REV1: variants seen among roughly 807,000 people sequenced by gnomAD.
The protein encoded by REV1 is REV1 DNA directed polymerase, also known as translesion synthesis protein REV1.
In REV1, 42 loss-of-function variants were observed where a neutral mutation model predicts 137.4. The observed-to-expected ratio is 0.31, with a 90% CI of 0.24 to 0.40. The LOEUF is 0.40. Ranked by LOEUF, REV1 falls within the 10% of genes least tolerant of loss-of-function variation. The pLI is 1.00. For missense variants in REV1, 1,282 were observed against 1,490.1 expected (o/e 0.86, Z 2.30); for synonymous variants, 524 against 519.2 (o/e 1.01, Z -0.12).
chr2:99,443,080 T>C (rs970233963), intron 4 of REV1, among the ~76,000 whole-genome samples: 2 of 152,232 alleles, frequency 1.3e-5, no homozygotes, highest in African/African-American at 4.8e-5. Context: ...CTTCCTTTTG[T>C]ACTTCAGAAC....
At chr2:99,422,170 G>A (rs1275440264) in intron 10 of REV1, among the ~76,000 whole-genome samples, 1 of 152,138 alleles carries the variant, frequency 6.6e-6, no homozygotes, top group Non-Finnish European at 1.5e-5. Flanking sequence ...GAAGGAAAAA[G>A]TGGCCAGTCA....
rs368073401 is a variant in REV1, at chr2:99,402,782, T to C, written c.3403A>G (p.Thr1135Ala). 4.3e-5 allele frequency: 69 copies of C among 1,614,086 alleles called. No individual in the cohort carries two copies. The highest frequency in any genetic ancestry group is 4.2e-5 in the Non-Finnish European group (50 of 1,180,044). ...EKPLEELSAS[T>A]SGVPGLSSLQ... Reference sequence around the variant, plus strand: ...CTAGAAAGGCCTGGCACACCTGAAGTAGAAGCAGAGAGTTCTTCCTGTTAA... The same window carrying C: ...CTAGAAAGGCCTGGCACACCTGAAGCAGAAGCAGAGAGTTCTTCCTGTTAA... The change falls in exon 21 of 23, where the codon ACT becomes GCT. Residue 1135 changes from threonine to alanine, a missense_variant. Physicochemically the swap from Thr to Ala is moderately conservative, Grantham distance 58. Around this residue, in one of 7 missense-constraint regions of REV1, gnomAD observed 170 missense variants for 156.8 expected, o/e 1.08. Coordinates refer to ENST00000258428, the MANE Select transcript of REV1 (RefSeq NM_016316.4).
chr2:99,453,912 AAAAATCAAAAT>A (rs1402971814), intron 3 of REV1, among the ~76,000 whole-genome samples: 3 of 140,484 alleles, frequency 2.1e-5, no homozygotes, highest in Non-Finnish European at 3.2e-5. Context: ...AAAAAAAAAA[AAAAATCAAAAT>A]AAAACAAAAC....
rs182327989 is a variant in REV1 at position 99,411,014 on chromosome 2, C to T, written c.2173-147G>A. ...TATTAAAAAGAAACGTGGCCAGGCGCGGTGGCTCACACCTGTAATCCCAGC... is the reference window on the plus strand; with the variant it reads ...TATTAAAAAGAAACGTGGCCAGGCGTGGTGGCTCACACCTGTAATCCCAGC... On this transcript the variant is annotated intron_variant, in intron 13 of 22. Coordinates refer to ENST00000258428, the MANE Select transcript of REV1 (RefSeq NM_016316.4). 5.4e-4 allele frequency: 353 copies of T among 652,456 alleles called. 3 individuals are homozygous for T. Among genetic ancestry groups the T allele is most frequent in the Admixed American group, 3.6e-3 (97 of 27,112 alleles). The allele number at this position is 652,456 out of a possible 1,614,324, so 40.4% of individuals were successfully genotyped here.
At chr2:99,461,176 T>C (rs1684148401) in intron 3 of REV1, among the ~76,000 whole-genome samples, 2 of 152,250 alleles carry the variant, frequency 1.3e-5, no homozygotes, top group Admixed American at 6.5e-5. Context: ...ATGACATTCT[T>C]GGACTAAATT....
At chr2:99,468,973 A>G (rs921928351) in intron 1 of REV1, among the ~76,000 whole-genome samples, 2 of 152,216 alleles carry the variant, frequency 1.3e-5, no homozygotes, top group Non-Finnish European at 2.9e-5. Context: ...ACAGTAGACT[A>G]GATACGGACT....
intron 18 of REV1, 131 bp downstream of exon 18, chr2:99,404,312 TC>T (rs869296847): frequency 8.0e-6 from 4 of 499,868 alleles, no homozygotes; most frequent in Non-Finnish European, 1.4e-5. Flanking sequence ...CACTCTCCCC[TC>T]CCCTCCCCTC....
Position 99,412,272 on chromosome 2 carries a change from A to C in REV1, c.2172+459T>G, listed in dbSNP as rs890362508. Among the ~76,000 whole-genome samples, 15 of 150,904 alleles carry C rather than the reference A, an allele frequency of 9.9e-5. No homozygotes were observed. In the East Asian group the frequency reaches 2.3e-3, roughly 23 times the overall value. On this transcript the variant is annotated intron_variant, in intron 13 of 22. Coordinates refer to ENST00000258428, the MANE Select transcript of REV1 (RefSeq NM_016316.4). ...GACTCCATCTCAAAAAAAAAAAAAA[A>C]AAAAAAAAAACATATCCAAATCCAT...
At chr2:99,406,223 A>G in intron 16 of REV1, 102 bp downstream of exon 16, 1 of 1,431,006 alleles carries the variant, frequency 7.0e-7, no homozygotes, top group South Asian at 1.5e-5. Flanking sequence ...AAGAATATAA[A>G]TTTTTAAAAT....
chr2:99,467,384 C>T (rs559849126), intron 1 of REV1, among the ~76,000 whole-genome samples: 2 of 152,158 alleles, frequency 1.3e-5, no homozygotes, highest in Non-Finnish European at 2.9e-5. Context: ...ATTTTAGCTT[C>T]GTCATTTCCA....
intron 18 of REV1, 121 bp from the exon 19 acceptor site, chr2:99,403,936 A>G (rs1200581300): frequency 8.4e-7 from 1 of 1,187,482 alleles, no homozygotes; most frequent in Non-Finnish European, 1.2e-6. Flanking sequence ...ACGAATTCTT[A>G]ACAGTTCCCC....
intron 12 of REV1, among the ~76,000 whole-genome samples, chr2:99,416,693 G>A (rs1006766582): frequency 3.9e-5 from 6 of 152,130 alleles, no homozygotes; most frequent in East Asian, 1.9e-4. Context: ...TTGGGAGGCC[G>A]AGGCGGGCGG....
intron 1 of REV1, among the ~76,000 whole-genome samples, chr2:99,487,116 A>C (rs1277129245): frequency 6.6e-6 from 1 of 152,228 alleles, no homozygotes; most frequent in Non-Finnish European, 1.5e-5. Context: ...CAGCTAAAAG[A>C]ATAGTAAGTA....
At chr2:99,478,028 T>A (rs1404981054) in intron 1 of REV1, among the ~76,000 whole-genome samples, 1 of 152,018 alleles carries the variant, frequency 6.6e-6, no homozygotes, top group Non-Finnish European at 1.5e-5. Context: ...AGGTCAGGAG[T>A]TCGAGACCAG....
At chr2:99,413,902 G>A (rs1041495972) in intron 12 of REV1, among the ~76,000 whole-genome samples, 15 of 152,196 alleles carry the variant, frequency 9.9e-5, no homozygotes, top group African/African-American at 3.4e-4. Context: ...GCTGGGTGTG[G>A]TGGCTCACAC....
intron 14 of REV1, chr2:99,408,392 A>G (rs548458813): frequency 3.3e-5 from 9 of 271,354 alleles, no homozygotes; most frequent in African/African-American, 1.7e-4. Flanking sequence ...TCAACTAAAA[A>G]TAAGTTGAGA....
At chr2:99,419,032 T>C (rs1439281014) in intron 11 of REV1, 85 bp from the exon 12 acceptor site, 1 of 1,109,284 alleles carries the variant, frequency 9.0e-7, no homozygotes, top group East Asian at 2.4e-5. Context: ...AGGTTATCCA[T>C]CAAGTTTCTA....
intron 1 of REV1, among the ~76,000 whole-genome samples, chr2:99,484,076 G>A (rs185811172): frequency 9.9e-5 from 15 of 152,236 alleles, no homozygotes; most frequent in Non-Finnish European, 1.8e-4. Context: ...GGAGATCCAG[G>A]TAAAGATCTC....
At chr2:99,460,043 G>A (rs1684004333) in intron 3 of REV1, among the ~76,000 whole-genome samples, 1 of 152,190 alleles carries the variant, frequency 6.6e-6, no homozygotes, top group Admixed American at 6.5e-5. Flanking sequence ...TTTGCAAACT[G>A]TTCACTGGAA....
Sources: allele counts gnomAD v4.1 joint callset (sites outside exome capture counted in the v4.1 genomes callset), GRCh38; gene constraint gnomAD v4.1.1; regional missense constraint gnomAD v4.1.1; transcripts MANE v1.5; gene names NCBI Gene and HGNC (gene_info 2026-07-23, HGNC 2026-07-21).